RGS18: variants seen among roughly 807,000 people sequenced by gnomAD.
RGS18 encodes regulator of G protein signaling 18.
In RGS18, 22 loss-of-function variants were observed where a neutral mutation model predicts 27.6. The observed-to-expected ratio is 0.80, with a 90% CI of 0.57 to 1.14. The LOEUF (loss-of-function observed/expected upper bound fraction) is 1.14, where lower values mean the gene tolerates loss of function less well. RGS18 is among the 50% of genes most tolerant of loss of function. The probability of loss-of-function intolerance (pLI) is 0.00; values close to 1 mark genes in which losing one functional copy is unlikely to be tolerated. For synonymous variants in RGS18, 89 were observed against 84.6 expected (o/e 1.05, Z -0.29); for missense variants, 299 against 269.6 (o/e 1.11, Z -0.76).
Position 192,158,723 on chromosome 1 carries a change from GA to G in RGS18, c.90del (p.Glu31LysfsTer18). 1.3e-6 allele frequency: 2 copies of G among 1,575,370 alleles called. No homozygotes were observed. The highest frequency in any genetic ancestry group is 1.2e-5 in the South Asian group (1 of 80,840). ...TTTTTCAAGTTAATACATGGTTCAG[GA>G]AAAGAAGAAACAAGCAAAGAAGCCA... The part of the protein sequence containing the change: ...KTFFKLIHGS[G>X]KEETSKEAKI... On this transcript the variant is annotated frameshift_variant, in exon 1 of 5. Transcript: ENST00000367460. LOFTEE classifies it high-confidence loss of function.
chr1:192,159,934 C>T (rs1656041300), intron 2 of RGS18, among the ~76,000 whole-genome samples: 1 of 151,640 alleles, frequency 6.6e-6, no homozygotes, highest in Admixed American at 6.6e-5. Context: ...CTTCCTGTAT[C>T]CGTTTAAAAA....
chr1:192,160,612 T>G, intron 3 of RGS18, 173 bp downstream of exon 3: 1 of 507,390 alleles, frequency 2.0e-6, no homozygotes, highest in Non-Finnish European at 3.5e-6. Context: ...AATGGAAATT[T>G]TTTTAAAAGT....
intron 3 of RGS18, among the ~76,000 whole-genome samples, chr1:192,177,797 G>T (rs368383628): frequency 6.6e-6 from 1 of 151,858 alleles, no homozygotes; most frequent in African/African-American, 2.4e-5. Context: ...CATGGCACAC[G>T]AATGGAACTA....
intron 3 of RGS18, among the ~76,000 whole-genome samples, chr1:192,177,258 G>A (rs1308639584): frequency 1.3e-5 from 2 of 150,794 alleles, no homozygotes; most frequent in Admixed American, 1.3e-4. Flanking sequence ...ACACAATTTT[G>A]TGGATTTTTT....
chr1:192,159,410 T>C, intron 2 of RGS18, 89 bp downstream of exon 2: 1 of 839,448 alleles, frequency 1.2e-6, no homozygotes, highest in Non-Finnish European at 2.0e-6. Flanking sequence ...TTCTGATTTA[T>C]TGAAAATTAC....
At chr1:192,183,587 G>C (rs1656492570) in intron 4 of RGS18, among the ~76,000 whole-genome samples, 1 of 151,548 alleles carries the variant, frequency 6.6e-6, no homozygotes, top group African/African-American at 2.4e-5. Flanking sequence ...TGAAATGCTA[G>C]TCAAGAATAG....
In RGS18 at chr1:192,163,742, A is replaced by G. The variant is rs1425904417; in HGVS notation, c.283+3303A>G. 5.9e-5 allele frequency: 9 copies of G among 152,022 alleles called. No individual in the cohort carries two copies. In the East Asian group the frequency reaches 1.7e-3, roughly 29 times the overall value. 9.4% of individuals were successfully genotyped at this position (152,022 alleles called of 1,614,324 possible). On this transcript the variant is annotated intron_variant, in intron 3 of 4. Coordinates refer to ENST00000367460, the MANE Select transcript of RGS18 (RefSeq NM_130782.3). ...CAATTATTTTTATTACAATGCTTAT[A>G]ATAATATTAAATTGTCAAACTTAAA...
chr1:192,163,197 C>T (rs1280393506), intron 3 of RGS18: 1 of 152,138 alleles, frequency 6.6e-6, no homozygotes, highest in African/African-American at 2.4e-5. Flanking sequence ...AAATCTTGGA[C>T]ACTACAGAAA....
At chr1:192,158,825 C>A in intron 1 of RGS18, 69 bp downstream of exon 1, 1 of 1,088,718 alleles carries the variant, frequency 9.2e-7, no homozygotes, top group South Asian at 1.5e-5. Flanking sequence ...GATTCATTAC[C>A]TCTTGTTTTT....
intron 3 of RGS18, among the ~76,000 whole-genome samples, chr1:192,165,845 CTATT>C (rs901621074): frequency 3.3e-5 from 5 of 151,900 alleles, no homozygotes; most frequent in Non-Finnish European, 7.4e-5. Context: ...TCTGCTATTT[CTATT>C]TATTGTCAAA....
At chr1:192,175,388 A>T (rs984087988) in intron 3 of RGS18, among the ~76,000 whole-genome samples, 3 of 151,820 alleles carry the variant, frequency 2.0e-5, no homozygotes, top group Non-Finnish European at 2.9e-5. Flanking sequence ...GTCTTCCCTT[A>T]TAGAGTATTG....
rs553694345 is a variant in RGS18, at chr1:192,162,890, TTATAA to T, written c.283+2457_283+2461del. 2.1e-4 allele frequency among the ~76,000 whole-genome samples: 32 copies of T among 152,282 alleles called. No homozygotes were observed. In the South Asian group the frequency reaches 5.4e-3, roughly 26 times the overall value. On this transcript the variant is annotated intron_variant, in intron 3 of 4. Coordinates refer to ENST00000367460, the MANE Select transcript of RGS18 (RefSeq NM_130782.3). The stretch of plus-strand genomic sequence containing the variant: ...AAAAAGAGGACTGGGATTAATTTCT[TTATAA>T]TATAAGTATTTATTAGAAGGAAACA...
intron 3 of RGS18, among the ~76,000 whole-genome samples, chr1:192,172,872 T>TATAA (rs1553229367): frequency 7.2e-6 from 1 of 138,162 alleles, no homozygotes; most frequent in Non-Finnish European, 1.6e-5. Context: ...TGCATATATA[T>TATAA]ATATATATAT....
chr1:192,179,750 T>C (rs1016306167), intron 3 of RGS18, among the ~76,000 whole-genome samples: 2 of 151,570 alleles, frequency 1.3e-5, no homozygotes, highest in Non-Finnish European at 3.0e-5. Flanking sequence ...CATTCTTGAA[T>C]TGACAAAATT....
chr1:192,162,823 CCAGT>C (rs879522248), intron 3 of RGS18, among the ~76,000 whole-genome samples: 15 of 152,130 alleles, frequency 9.9e-5, no homozygotes, highest in South Asian at 6.2e-4. Context: ...AGACTCCTCA[CCAGT>C]CAGAGAAGGA....
rs995690615 is a variant in RGS18, at chr1:192,174,363, G to A, written c.284-6929G>A. Among the ~76,000 whole-genome samples the A allele has an allele frequency of 6.6e-5, 10 of 151,690 alleles. No homozygotes were observed. The East Asian group carries it at 1.7e-3, about 26-fold the overall frequency. On this transcript the variant is annotated intron_variant, in intron 3 of 4. Coordinates refer to ENST00000367460, the MANE Select transcript of RGS18 (RefSeq NM_130782.3). Reference sequence around the variant, plus strand: ...GCTCATATTATGAGTCTAACACAGAGTTTATCTGGGATAATATTCCCTGTG... The same window carrying A: ...GCTCATATTATGAGTCTAACACAGAATTTATCTGGGATAATATTCCCTGTG...
chr1:192,176,991 G>A (rs1305499547), intron 3 of RGS18, among the ~76,000 whole-genome samples: 1 of 151,656 alleles, frequency 6.6e-6, no homozygotes, highest in East Asian at 1.9e-4. Context: ...ACTCTCAGTA[G>A]AAGGCTCACA....
chr1:192,179,276 T>A (rs548892543), intron 3 of RGS18, among the ~76,000 whole-genome samples: 1 of 151,710 alleles, frequency 6.6e-6, no homozygotes, highest in African/African-American at 2.4e-5. Context: ...AAATGGGCTA[T>A]AACTAGAGAG....
chr1:192,183,163 T>A (rs750041829), intron 4 of RGS18, among the ~76,000 whole-genome samples: 7 of 151,702 alleles, frequency 4.6e-5, no homozygotes, highest in African/African-American at 1.2e-4. Context: ...TAGTTTTTTT[T>A]ATAAAAAGGC....
Sources: gnomAD v4.1 joint callset for allele counts (sites outside exome capture counted in the v4.1 genomes callset) on GRCh38, gnomAD v4.1.1 for gene constraint, MANE v1.5 for transcripts, NCBI Gene and HGNC (gene_info 2026-07-23, HGNC 2026-07-21) for gene names.